ERGIC1: variants seen among roughly 807,000 people sequenced by gnomAD.
The protein encoded by ERGIC1 is endoplasmic reticulum-golgi intermediate compartment 1.
Under a neutral mutation model 38.3 loss-of-function variants are expected in ERGIC1, and 19 were observed. That is an observed-to-expected ratio of 0.50 (90% CI 0.35 to 0.73). ERGIC1 has a LOEUF of 0.73. ERGIC1 is among the 30% of genes least tolerant of loss of function. ERGIC1 has a pLI of 0.01. For synonymous variants in ERGIC1, 124 were observed against 157.6 expected, an observed-to-expected ratio of 0.79 and a Z score of 1.60; for missense variants, 294 against 389.2, an observed-to-expected ratio of 0.76 and a Z score of 2.06.
rs548763287 is a variant in ERGIC1 at position 172,886,142 on chromosome 5, G to A, written c.21-2557G>A. Among the ~76,000 whole-genome samples the A allele has an allele frequency of 2.0e-5, 3 of 152,028 alleles. No individual in the cohort carries two copies. The East Asian group carries it at 5.8e-4, about 29-fold the overall frequency. On this transcript the variant is annotated intron_variant, in intron 1 of 9. Transcript: ENST00000393784. ...GCCCGCCGGCCCCCATCGACACTTG[G>A]TGTGAGACTCCCTAGCCACAGCCTG...
chr5:172,878,540 G>A (rs904983723), intron 1 of ERGIC1, among the ~76,000 whole-genome samples: 2 of 152,152 alleles, frequency 1.3e-5, no homozygotes, highest in Non-Finnish European at 2.9e-5. Flanking sequence ...CCTCGCAAGG[G>A]GGGTAGCAGC....
At chr5:172,908,450 C>T (rs756261944) in intron 3 of ERGIC1, among the ~76,000 whole-genome samples, 10 of 150,728 alleles carry the variant, frequency 6.6e-5, no homozygotes, top group South Asian at 4.2e-4. Context: ...GTGGCACGCA[C>T]CTGTAGTCAC....
intron 9 of ERGIC1, among the ~76,000 whole-genome samples, chr5:172,944,473 C>A (rs1482049394): frequency 1.3e-5 from 2 of 152,166 alleles, no homozygotes; most frequent in Non-Finnish European, 2.9e-5. Context: ...ATTCTCCTGC[C>A]TCAGCCTCCT....
intron 8 of ERGIC1, 72 bp from the exon 9 acceptor site, chr5:172,935,116 C>T (rs1454118882): frequency 1.9e-6 from 3 of 1,605,456 alleles, no homozygotes; most frequent in Admixed American, 1.7e-5. Flanking sequence ...TGCTGGGGGG[C>T]CCTCTGCAAT....
chr5:172,867,177 G>A, intron 1 of ERGIC1: 1 of 455,760 alleles, frequency 2.2e-6, no homozygotes, highest in Non-Finnish European at 4.4e-6. Context: ...ATGCCACCTT[G>A]GGTGACCTTT....
intron 4 of ERGIC1, 198 bp from the exon 5 acceptor site, chr5:172,914,516 T>C (rs1763299976): frequency 2.4e-6 from 2 of 835,862 alleles, no homozygotes; most frequent in South Asian, 1.6e-5. Context: ...TACTATGCAC[T>C]GCCCCCCTCG....
intron 1 of ERGIC1, among the ~76,000 whole-genome samples, chr5:172,888,099 C>T (rs1489173533): frequency 2.0e-5 from 3 of 152,166 alleles, no homozygotes; most frequent in African/African-American, 4.8e-5. Flanking sequence ...GGTTTGGGAA[C>T]GTGGCAGGGA....
At chr5:172,865,436 G>T (rs1761832259) in intron 1 of ERGIC1, among the ~76,000 whole-genome samples, 1 of 152,118 alleles carries the variant, frequency 6.6e-6, no homozygotes, top group Non-Finnish European at 1.5e-5. Flanking sequence ...CTGATGACTT[G>T]GTTTTCTTTC....
chr5:172,931,068 C>G (rs969834606), intron 7 of ERGIC1: 29 of 152,166 alleles, frequency 1.9e-4, no homozygotes, highest in African/African-American at 7.0e-4. Context: ...GCAGTGAATG[C>G]TGTCTGCATT....
At position 172,926,679 on chromosome 5, in the gene ERGIC1, A is replaced by C; in HGVS notation, c.541+110A>C. On this transcript the variant is annotated intron_variant, in intron 7 of 9. Coordinates refer to ENST00000393784, the MANE Select transcript of ERGIC1 (RefSeq NM_001031711.3). This position sits in a 1 kb window ranked among gnomAD's most constrained non-coding sequence, Gnocchi z 5.2. ...GCCTGTCCAGCACCCACTCCAAGGCAGGGAGGCTGCTGCTCACACTCCATT... is the reference window on the plus strand; with the variant it reads ...GCCTGTCCAGCACCCACTCCAAGGCCGGGAGGCTGCTGCTCACACTCCATT... 8.1e-7 allele frequency: 1 copy of C among 1,236,154 alleles called. No homozygotes were observed. Among genetic ancestry groups the C allele is most frequent in the Non-Finnish European group, 1.2e-6 (1 of 858,792 alleles). 76.6% of individuals were successfully genotyped at this position (1,236,154 alleles called of 1,614,324 possible).
chr5:172,880,490 C>G, intron 1 of ERGIC1, among the ~76,000 whole-genome samples: 2 of 151,846 alleles, frequency 1.3e-5, no homozygotes, highest in Middle Eastern at 6.8e-3. Flanking sequence ...CACACCCAAC[C>G]AATTTTTGTA....
intron 3 of ERGIC1, among the ~76,000 whole-genome samples, chr5:172,908,039 A>C (rs1342180707): frequency 6.6e-6 from 1 of 151,622 alleles, no homozygotes; most frequent in Non-Finnish European, 1.5e-5. Flanking sequence ...CCTGCCCCTA[A>C]ATATGGCCGA....
intron 3 of ERGIC1, 127 bp from the exon 4 acceptor site, chr5:172,909,540 C>A: frequency 1.2e-6 from 1 of 805,136 alleles, no homozygotes. Context: ...GAGGTGCAGG[C>A]TCTGCCCAGG....
intron 2 of ERGIC1, among the ~76,000 whole-genome samples, chr5:172,894,086 T>G (rs1762657042): frequency 7.3e-6 from 1 of 137,696 alleles, no homozygotes; most frequent in South Asian, 2.4e-4. Flanking sequence ...ACTATTTTTT[T>G]CTTTAAAAAA....
At chr5:172,861,785 C>G (rs1761706732) in intron 1 of ERGIC1, among the ~76,000 whole-genome samples, 2 of 152,022 alleles carry the variant, frequency 1.3e-5, no homozygotes, top group South Asian at 2.1e-4. Context: ...CTCCCCAGCT[C>G]TAAAACTCAG....
chr5:172,887,411 G>A (rs549134696), intron 1 of ERGIC1, among the ~76,000 whole-genome samples: 9 of 152,334 alleles, frequency 5.9e-5, no homozygotes, highest in African/African-American at 1.2e-4. Flanking sequence ...AGCTCTCTGC[G>A]TCACATCCTT....
At chr5:172,910,299 A>G (rs999708581) in intron 4 of ERGIC1, among the ~76,000 whole-genome samples, 2 of 152,116 alleles carry the variant, frequency 1.3e-5, no homozygotes, top group Non-Finnish European at 2.9e-5. Context: ...TCACCTCCCA[A>G]GCATCTCAAG....
chr5:172,898,498 A>T (rs1156754010), intron 3 of ERGIC1: 3 of 152,250 alleles, frequency 2.0e-5, no homozygotes, highest in Non-Finnish European at 4.4e-5. Context: ...CTCCCCTGGC[A>T]TGGGAGAGTT....
chr5:172,903,248 G>A (rs755680182), intron 3 of ERGIC1, among the ~76,000 whole-genome samples: 3 of 152,288 alleles, frequency 2.0e-5, no homozygotes, highest in South Asian at 2.1e-4. Flanking sequence ...GGGTGTTGAC[G>A]GGAGTGGGAG....
Sources: allele counts gnomAD v4.1 joint callset (sites outside exome capture counted in the v4.1 genomes callset), GRCh38; gene constraint gnomAD v4.1.1; non-coding constraint Gnocchi (gnomAD v3.1); transcripts MANE v1.5; gene names NCBI Gene and HGNC (gene_info 2026-07-23, HGNC 2026-07-21).